SV2C: variants seen among roughly 807,000 people sequenced by gnomAD.
SV2C encodes the protein solute carrier family 22 member B3.
A neutral mutation model predicts 79.7 loss-of-function variants in SV2C; 49 were observed. The observed-to-expected ratio is 0.61, with a 90% CI of 0.49 to 0.78. SV2C has a LOEUF of 0.78. Ranked by LOEUF, SV2C falls within the 30% of genes least tolerant of loss-of-function variation. The probability of loss-of-function intolerance (pLI) is 0.00; values close to 1 mark genes in which losing one functional copy is unlikely to be tolerated. For missense variants in SV2C, 833 were observed against 912.9 expected, an observed-to-expected ratio of 0.91 and a Z score of 1.13; for synonymous variants, 334 against 333.2, an observed-to-expected ratio of 1.00 and a Z score of -0.03.
chr5:76,024,662 C>A, the SV2C span, among the ~76,000 whole-genome samples: 29 of 151,886 alleles, frequency 1.9e-4, no homozygotes, highest in African/African-American at 7.0e-4. Flanking sequence ...GTGAGGAAAC[C>A]CCTCATTTAA....
At chr5:76,009,712 A>G in the SV2C span, among the ~76,000 whole-genome samples, 1 of 152,178 alleles carries the variant, frequency 6.6e-6, no homozygotes, top group Non-Finnish European at 1.5e-5. Flanking sequence ...CATTGGGTAC[A>G]CATGGACATA....
At chr5:75,887,866 A>T in the SV2C span, among the ~76,000 whole-genome samples, 216 of 152,222 alleles carry the variant, frequency 1.4e-3, 1 homozygote, top group African/African-American at 4.2e-3. Flanking sequence ...AGCAGATCTT[A>T]GGTGTCCTTG....
the SV2C span, among the ~76,000 whole-genome samples, chr5:76,065,144 A>G: frequency 5.9e-5 from 9 of 152,222 alleles, no homozygotes; most frequent in Non-Finnish European, 1.2e-4. Flanking sequence ...TCAAGTAAGA[A>G]CAAAATACTG....
chr5:76,309,298 A>C (rs1748321265), intron 12 of SV2C, among the ~76,000 whole-genome samples: 1 of 152,008 alleles, frequency 6.6e-6, no homozygotes, highest in Non-Finnish European at 1.5e-5. Flanking sequence ...GCTGGTTAAG[A>C]CACTTAAGTT....
the SV2C span, among the ~76,000 whole-genome samples, chr5:76,031,610 T>C: frequency 6.6e-6 from 1 of 152,118 alleles, no homozygotes; most frequent in African/African-American, 2.4e-5. Flanking sequence ...ATTGATCAAA[T>C]AGCAATTACA....
intron 1 of SV2C, among the ~76,000 whole-genome samples, chr5:76,127,752 C>G (rs1207627818): frequency 6.6e-6 from 1 of 152,136 alleles, no homozygotes; most frequent in Non-Finnish European, 1.5e-5. Context: ...TACATTCCAC[C>G]ATTGCCCCCA....
In SV2C at chr5:76,178,070, A is replaced by C. The variant is rs112927158; in HGVS notation, c.581-16849A>C. 1.1e-3 allele frequency among the ~76,000 whole-genome samples: 170 copies of C among 152,266 alleles called. 1 individual carries two copies. Among genetic ancestry groups the C allele is most frequent in the African/African-American group, 3.8e-3 (156 of 41,558 alleles). ...CCCAGTGGGGACAGTAGGTGAGAGCACCTATCTGTGACCTCTTCAGCATAT... is the reference window on the plus strand; with the variant it reads ...CCCAGTGGGGACAGTAGGTGAGAGCCCCTATCTGTGACCTCTTCAGCATAT... On this transcript the variant is annotated intron_variant, in intron 2 of 12. Coordinates refer to ENST00000502798, the MANE Select transcript of SV2C (RefSeq NM_014979.4).
At chr5:75,907,878 CT>C in the SV2C span, among the ~76,000 whole-genome samples, 1 of 152,184 alleles carries the variant, frequency 6.6e-6, no homozygotes, top group Non-Finnish European at 1.5e-5. Flanking sequence ...GAAGCCTCGC[CT>C]GAGAACTGCA....
intron 1 of SV2C, among the ~76,000 whole-genome samples, chr5:76,120,139 A>G (rs1748429694): frequency 6.6e-6 from 1 of 152,210 alleles, no homozygotes; most frequent in Non-Finnish European, 1.5e-5. Context: ...GTACAATTAT[A>G]ATGTGTCAAA....
chr5:76,131,238 G>C (rs1748879162), intron 1 of SV2C, among the ~76,000 whole-genome samples: 1 of 152,102 alleles, frequency 6.6e-6, no homozygotes, highest in African/African-American at 2.4e-5. Flanking sequence ...CTAATACTCT[G>C]GTTTGTCTTT....
chr5:75,873,482 A>G, the SV2C span, among the ~76,000 whole-genome samples: 2 of 152,202 alleles, frequency 1.3e-5, no homozygotes, highest in Admixed American at 6.6e-5. Context: ...TGTAAGTAGC[A>G]TATTCTTTCT....
intron 2 of SV2C, among the ~76,000 whole-genome samples, chr5:76,155,627 G>C (rs538772854): frequency 1.3e-5 from 2 of 152,260 alleles, no homozygotes; most frequent in South Asian, 4.1e-4. Context: ...AATCTACCTT[G>C]AATGTGGCGT....
the SV2C span, among the ~76,000 whole-genome samples, chr5:76,048,555 C>A: frequency 6.6e-6 from 1 of 152,056 alleles, no homozygotes; most frequent in African/African-American, 2.4e-5. Flanking sequence ...CACAAAAAAT[C>A]AATTATCACA....
At chr5:75,968,322 C>T in the SV2C span, among the ~76,000 whole-genome samples, 39,378 of 152,102 alleles carry the variant, frequency 0.26, 6,284 homozygotes, top group Non-Finnish European at 0.37. Context: ...CAAAGCTGGA[C>T]GGAGAATGAC....
chr5:75,894,407 A>T, the SV2C span, among the ~76,000 whole-genome samples: 1 of 152,026 alleles, frequency 6.6e-6, no homozygotes, highest in Non-Finnish European at 1.5e-5. Flanking sequence ...CCCTATTCTG[A>T]TCCTGTTCTC....
At chr5:75,892,264 T>A in the SV2C span, among the ~76,000 whole-genome samples, 413 of 152,180 alleles carry the variant, frequency 2.7e-3, 2 homozygotes, top group African/African-American at 8.8e-3. Context: ...AATTTTTTTT[T>A]AATTTGTGCA....
At chr5:75,924,970 A>G in the SV2C span, among the ~76,000 whole-genome samples, 1 of 152,290 alleles carries the variant, frequency 6.6e-6, no homozygotes, top group East Asian at 1.9e-4. Context: ...TATACAAAAC[A>G]CCCTAGGAAA....
the SV2C span, among the ~76,000 whole-genome samples, chr5:75,938,278 A>G: frequency 7.3e-6 from 1 of 136,818 alleles, no homozygotes; most frequent in Non-Finnish European, 1.6e-5. Context: ...TTTTGGTACT[A>G]TGCAAGATGA....
chr5:76,233,922 G>A (rs1374466264), intron 4 of SV2C, among the ~76,000 whole-genome samples: 3 of 151,994 alleles, frequency 2.0e-5, no homozygotes, highest in South Asian at 4.2e-4. Flanking sequence ...GTGTCTCTGA[G>A]CTCATGGCTG....
Sources: allele counts gnomAD v4.1 joint callset (sites outside exome capture counted in the v4.1 genomes callset), GRCh38; gene constraint gnomAD v4.1.1; transcripts MANE v1.5; gene names NCBI Gene and HGNC (gene_info 2026-07-23, HGNC 2026-07-21).